Variants in SCN9A observed in about 807,000 individuals in gnomAD.
SCN9A encodes the protein sodium voltage-gated channel alpha subunit 9.
In SCN9A, 131 loss-of-function variants were observed where a neutral mutation model predicts 187.0. The ratio of observed to expected loss-of-function variants is 0.70; its 90% CI spans 0.61 to 0.81. The LOEUF (loss-of-function observed/expected upper bound fraction) is 0.81. Among genes scored for constraint, SCN9A ranks in the 30% least tolerant of loss-of-function variants. SCN9A has a pLI of 0.00. For missense variants in SCN9A, 2,252 were observed against 2,396.6 expected (o/e 0.94, Z 1.26); for synonymous variants, 809 against 808.6 (o/e 1.00, Z -0.01).
chr2:166,205,407 G>A (rs1204952424), intron 24 of SCN9A, among the ~76,000 whole-genome samples: 2 of 152,078 alleles, frequency 1.3e-5, no homozygotes, highest in Non-Finnish European at 2.9e-5. Flanking sequence ...AACAAGCAAC[G>A]GGGAAAGGCT....
rs750491990 is a variant in SCN9A, at chr2:166,272,743, T to C, written c.3007A>G (p.Lys1003Glu). The C allele has an allele frequency of 1.3e-6, 2 of 1,567,116 alleles. No individual in the cohort carries two copies. Among genetic ancestry groups the C allele is most frequent in the Admixed American group, 3.8e-5 (2 of 52,392 alleles). The change falls in exon 17 of 27, where the codon AAA (lysine) becomes GAA (glutamate). Residue 1003 changes from lysine (K) to glutamate (E), a missense_variant. Lys to Glu is a moderately conservative substitution (Grantham distance 56, BLOSUM62 1). This residue lies in a region of SCN9A where 313 missense variants were observed against 295.3 expected (regional missense o/e 1.06). Coordinates refer to ENST00000642356, the MANE Select transcript of SCN9A (RefSeq NM_001365536.1). ...TRIKKGINYV[K>E]QTLREFILKA... The stretch of plus-strand genomic sequence containing the variant: ...AGAATAAATTCACGTAAGGTTTGTT[T>C]CACATAATTTATTCCCTTTTTAATT...
At chr2:166,299,202 C>G (rs1031543509) in intron 7 of SCN9A, among the ~76,000 whole-genome samples, 1 of 143,510 alleles carries the variant, frequency 7.0e-6, no homozygotes, top group African/African-American at 3.0e-5. Flanking sequence ...ATACAAAAAC[C>G]CATATATTTT....
chr2:166,367,243 T>C (rs1559067090), intron 1 of SCN9A, among the ~76,000 whole-genome samples: 1 of 152,210 alleles, frequency 6.6e-6, no homozygotes, highest in African/African-American at 2.4e-5. Flanking sequence ...CATTTCAGAA[T>C]AAACTTCATC....
chr2:166,237,973 G>A (rs1162204958), intron 20 of SCN9A, 121 bp downstream of exon 20: 14 of 663,698 alleles, frequency 2.1e-5, no homozygotes, highest in Non-Finnish European at 3.6e-5. Flanking sequence ...TAAACCTATA[G>A]CCTGAAAATA....
intron 2 of SCN9A, among the ~76,000 whole-genome samples, chr2:166,308,735 A>G (rs1462701776): frequency 6.6e-6 from 1 of 152,022 alleles, no homozygotes; most frequent in Non-Finnish European, 1.5e-5. Flanking sequence ...ATCCTGGCTA[A>G]CACGGTGAAT....
intron 1 of SCN9A, among the ~76,000 whole-genome samples, chr2:166,365,387 G>A (rs548043362): frequency 1.5e-4 from 23 of 152,028 alleles, no homozygotes; most frequent in Non-Finnish European, 2.4e-4. Context: ...CTGGTTTTAT[G>A]TTACCCATGT....
Position 166,195,856 on chromosome 2 carries a change from C to T in SCN9A, c.*2816G>A, listed in dbSNP as rs1693230067. ...TTGAAGCCAGGAGTTTGAGACTAGC[C>T]TGGGCAACATAGCAAGACCCCTTAT... On this transcript the variant is annotated 3_prime_UTR_variant, in exon 27 of 27. Transcript: ENST00000642356. 6.6e-6 allele frequency: 1 copy of T among 152,190 alleles called. No homozygotes were observed. The highest frequency in any genetic ancestry group is 1.5e-5 in the Non-Finnish European group (1 of 68,118). 9.4% of individuals were successfully genotyped at this position (152,190 alleles called of 1,614,324 possible). A position where few individuals can be genotyped will look rare whatever the true frequency, so the allele number is the denominator to read the frequency against.
rs1362869387 is a variant in SCN9A at position 166,203,942 on chromosome 2, TA to T, written c.4774+12del. The T allele has an allele frequency of 2.7e-6, 4 of 1,480,108 alleles. No homozygotes were observed. Among genetic ancestry groups the T allele is most frequent in the Non-Finnish European group, 2.8e-6 (3 of 1,078,428 alleles). The allele number at this position is 1,480,108 out of a possible 1,614,324, so 91.7% of individuals were successfully genotyped here. A position where few individuals can be genotyped will look rare whatever the true frequency, so the allele number is the denominator to read the frequency against. On this transcript the variant is annotated intron_variant, in intron 26 of 26. Transcript: ENST00000642356. ...TACTCAAAAAATAAAATCTGAAAAATAAATATTCTTACCTACAATGGAGATA... is the reference window on the plus strand; with the variant it reads ...TACTCAAAAAATAAAATCTGAAAAATAATATTCTTACCTACAATGGAGATA...
At position 166,286,357 on chromosome 2, in the gene SCN9A, C is replaced by T. The variant is rs1212310519; in HGVS notation, c.1581G>A (p.Lys527=). The T allele has an allele frequency of 1.2e-6, 2 of 1,611,380 alleles. No homozygotes were observed. The highest frequency in any genetic ancestry group is 1.3e-5 in the African/African-American group (1 of 74,664). Reference sequence around the variant, plus strand: ...GTACCTGATTGGGGGTAGACAACCTCTTTTCATGTGCTCGCCTATGCCCTT... The same window carrying T: ...GTACCTGATTGGGGGTAGACAACCTTTTTTCATGTGCTCGCCTATGCCCTT... The part of the protein sequence containing the change: ...GVEGHRRAHE[K]RLSTPNQSPL... The change falls in exon 11 of 27, where the codon AAG becomes AAA. Residue 527 remains lysine, a synonymous_variant. Coordinates refer to ENST00000642356, the MANE Select transcript of SCN9A (RefSeq NM_001365536.1).
intron 24 of SCN9A, among the ~76,000 whole-genome samples, chr2:166,207,855 C>T (rs1228186979): frequency 2.6e-5 from 4 of 152,152 alleles, no homozygotes; most frequent in Non-Finnish European, 4.4e-5. Context: ...ATGTCAATGT[C>T]AAGAGAAACC....
chr2:166,329,025 A>AT (rs1427211143), intron 1 of SCN9A, among the ~76,000 whole-genome samples: 2 of 152,198 alleles, frequency 1.3e-5, no homozygotes, highest in East Asian at 1.9e-4. Flanking sequence ...TATAAAAATT[A>AT]TTTTTTTACA....
intron 7 of SCN9A, among the ~76,000 whole-genome samples, chr2:166,295,420 A>G (rs1698255508): frequency 6.6e-6 from 1 of 152,202 alleles, no homozygotes; most frequent in Non-Finnish European, 1.5e-5. Flanking sequence ...GTGCACTTAT[A>G]CAAACCTAGA....
intron 20 of SCN9A, among the ~76,000 whole-genome samples, chr2:166,237,263 T>C (rs1695359432): frequency 6.6e-6 from 1 of 151,780 alleles, no homozygotes; most frequent in African/African-American, 2.4e-5. Context: ...CGTTAGTTTC[T>C]ATTTGAGAGT....
chr2:166,308,133 C>A (rs578242489), intron 2 of SCN9A, among the ~76,000 whole-genome samples: 4 of 152,264 alleles, frequency 2.6e-5, no homozygotes, highest in East Asian at 1.9e-4. Context: ...TATCTAAATA[C>A]AATTTAATGT....
At chr2:166,310,614 G>A (rs1158877319) in intron 2 of SCN9A, among the ~76,000 whole-genome samples, 28 of 125,750 alleles carry the variant, frequency 2.2e-4, no homozygotes, top group East Asian at 8.8e-4. Context: ...AGGTGCTGGA[G>A]AGGATGTGGA....
At chr2:166,370,849 C>G (rs749864558) in intron 1 of SCN9A, among the ~76,000 whole-genome samples, 1 of 151,546 alleles carries the variant, frequency 6.6e-6, no homozygotes, top group African/African-American at 2.4e-5. Context: ...GCATTCATTG[C>G]AGGGCAGGAT....
chr2:166,337,163 G>A (rs1442587833), intron 1 of SCN9A, among the ~76,000 whole-genome samples: 1 of 152,092 alleles, frequency 6.6e-6, no homozygotes, highest in East Asian at 1.9e-4. Flanking sequence ...GATAATGAAA[G>A]GCTGGAAATG....
At chr2:166,373,796 A>G (rs1326980682) in intron 1 of SCN9A, among the ~76,000 whole-genome samples, 1 of 152,084 alleles carries the variant, frequency 6.6e-6, no homozygotes, top group Non-Finnish European at 1.5e-5. Context: ...CAAGATCATG[A>G]CTTGTCTTAG....
chr2:166,307,160 G>A (rs1698789737), intron 2 of SCN9A, 86 bp from the exon 3 acceptor site: 4 of 717,930 alleles, frequency 5.6e-6, no homozygotes, highest in Non-Finnish European at 9.8e-6. Context: ...TTTCTACATG[G>A]CAGTGTTATA....
Sources: gnomAD v4.1 joint callset for allele counts (sites outside exome capture counted in the v4.1 genomes callset) on GRCh38, gnomAD v4.1.1 for gene constraint, gnomAD v4.1.1 regional missense constraint, MANE v1.5 for transcripts, NCBI Gene and HGNC (gene_info 2026-07-23, HGNC 2026-07-21) for gene names.